The following FMN2 variants were observed in gnomAD, a reference collection of about 807,000 sequenced individuals.
The protein encoded by FMN2 is formin 2, also known as formin-2.
Under a neutral mutation model 142.3 loss-of-function variants are expected in FMN2, and 51 were observed. The ratio of observed to expected loss-of-function variants is 0.36; its 90% confidence interval spans 0.29 to 0.45. The LOEUF (loss-of-function observed/expected upper bound fraction) is 0.45. Ranked by LOEUF, FMN2 falls within the 20% of genes least tolerant of loss-of-function variation. The pLI, the probability that FMN2 is intolerant of heterozygous loss-of-function variation, is 1.00. For synonymous variants in FMN2, 882 were observed against 869.8 expected, an observed-to-expected ratio of 1.01 and a Z score of -0.25; for missense variants, 1,936 against 2,122.8, an observed-to-expected ratio of 0.91 and a Z score of 1.73.
chr1:240,294,678 C>T, intron 7 of FMN2, 144 bp from the exon 8 acceptor site: 1 of 679,124 alleles, frequency 1.5e-6, no homozygotes. Flanking sequence ...CTGGTGCAGG[C>T]TTTGCAGTGG....
At chr1:240,465,703 G>A (rs532305542) in intron 16 of FMN2, among the ~76,000 whole-genome samples, 10 of 152,256 alleles carry the variant, frequency 6.6e-5, no homozygotes, top group South Asian at 4.1e-4. Flanking sequence ...TTTAGACCAA[G>A]CTATTAATGT....
chr1:240,145,270 A>G (rs918604902), intron 2 of FMN2: 2 of 1,438,482 alleles, frequency 1.4e-6, no homozygotes, highest in South Asian at 1.3e-5. Flanking sequence ...TGTCCCCGGC[A>G]TCCCGCCGCT....
intron 16 of FMN2, among the ~76,000 whole-genome samples, chr1:240,454,535 CT>C (rs1338470300): frequency 6.6e-6 from 1 of 152,160 alleles, no homozygotes; most frequent in Non-Finnish European, 1.5e-5. Flanking sequence ...GAGTGAGACT[CT>C]CACTCTAAAG....
chr1:240,207,481 C>T lies in FMN2; in HGVS notation c.2669C>T (p.Thr890Ile), dbSNP rs1457123312. Residue 890 changes from threonine (T) to isoleucine (I), a missense_variant, in exon 5 of 18, where the codon ACT becomes ATT. Physicochemically the swap from Thr to Ile is moderately conservative, Grantham distance 89. This residue lies in a region of FMN2 where 478 missense variants were observed against 462.8 expected (regional missense o/e 1.03). Coordinates refer to ENST00000319653, the MANE Select transcript of FMN2 (RefSeq NM_020066.5). ...PPPLPGMTVPTLPSTAIPQPP... is the reference protein window; with the variant it reads ...PPPLPGMTVPILPSTAIPQPP... The stretch of plus-strand genomic sequence containing the variant: ...CCTCTCCCTGGCATGACAGTGCCTA[C>T]TCTGCCCAGTACAGCCATTCCCCAA... The T allele has an allele frequency of 4.3e-6, 7 of 1,613,382 alleles. No homozygotes were observed. The highest frequency in any genetic ancestry group is 5.1e-6 in the Non-Finnish European group (6 of 1,179,784).
chr1:240,355,536 A>G (rs1672235835), intron 13 of FMN2, among the ~76,000 whole-genome samples: 1 of 152,108 alleles, frequency 6.6e-6, no homozygotes, highest in Admixed American at 6.5e-5. Flanking sequence ...AGATGAAGAG[A>G]CTGAGATTTA....
At chr1:240,455,667 G>C (rs1277763347) in intron 16 of FMN2, among the ~76,000 whole-genome samples, 1 of 152,016 alleles carries the variant, frequency 6.6e-6, no homozygotes, top group Non-Finnish European at 1.5e-5. Context: ...AACAGAGCAA[G>C]ACTCTGTCTC....
chr1:240,375,428 G>T (rs1050639955), intron 14 of FMN2, among the ~76,000 whole-genome samples: 3 of 152,130 alleles, frequency 2.0e-5, no homozygotes, highest in African/African-American at 7.2e-5. Context: ...CACAATAAAA[G>T]CAGGTATACC....
chr1:240,407,344 G>A (rs771490677), intron 15 of FMN2, among the ~76,000 whole-genome samples: 5 of 152,012 alleles, frequency 3.3e-5, no homozygotes, highest in Non-Finnish European at 7.4e-5. Context: ...TCACCATGTT[G>A]GCCAGGCTGT....
intron 15 of FMN2, among the ~76,000 whole-genome samples, chr1:240,434,558 T>TTTTTTTTTG (rs1558104023): frequency 1.3e-5 from 2 of 151,432 alleles, no homozygotes; most frequent in Non-Finnish European, 2.9e-5. Context: ...GTTTTTTGTT[T>TTTTTTTTTG]TTTTTTGTTT....
intron 14 of FMN2, among the ~76,000 whole-genome samples, chr1:240,375,615 C>T (rs528143798): frequency 3.9e-5 from 6 of 152,138 alleles, no homozygotes; most frequent in Non-Finnish European, 7.4e-5. Flanking sequence ...ATCCATTTCC[C>T]GGCATGAAAC....
At chr1:240,110,515 G>T (rs1241924417) in intron 1 of FMN2, among the ~76,000 whole-genome samples, 1 of 152,178 alleles carries the variant, frequency 6.6e-6, no homozygotes, top group South Asian at 2.1e-4. Flanking sequence ...TGCAACATTT[G>T]TTCTGATGGT....
intron 15 of FMN2, among the ~76,000 whole-genome samples, chr1:240,412,958 TA>T (rs1358327479): frequency 1.3e-5 from 2 of 150,468 alleles, no homozygotes; most frequent in Non-Finnish European, 3.0e-5. Flanking sequence ...CCGTCTCTAC[TA>T]AAAAATACAA....
intron 16 of FMN2, among the ~76,000 whole-genome samples, chr1:240,470,660 C>A (rs1373687128): frequency 1.3e-5 from 2 of 152,082 alleles, no homozygotes; most frequent in Non-Finnish European, 1.5e-5. Context: ...TTATAATTCA[C>A]TTCTTTCAGG....
chr1:240,367,326 T>C (rs1341307952), intron 14 of FMN2, among the ~76,000 whole-genome samples: 1 of 152,236 alleles, frequency 6.6e-6, no homozygotes, highest in Non-Finnish European at 1.5e-5. Context: ...CATTAAAATG[T>C]GGTCAGATAA....
At position 240,451,599 on chromosome 1, in the gene FMN2, C is replaced by T. The variant is rs752209137; in HGVS notation, c.5060+13389C>T. Among the ~76,000 whole-genome samples, 8 of 152,010 alleles carry T rather than the reference C, an allele frequency of 5.3e-5. No individual in the cohort carries two copies. In the South Asian group the frequency reaches 1.4e-3, roughly 28 times the overall value. On this transcript the variant is annotated intron_variant, in intron 16 of 17. Transcript: ENST00000319653. ...TTAGAGAGGCCCAACTGCCTGCTCC[C>T]CAACAGGGGCCTCATCCCCTGAGTT...
intron 16 of FMN2, among the ~76,000 whole-genome samples, chr1:240,449,066 T>C (rs12409578): frequency 0.38 from 57,310 of 151,272 alleles, 11,775 homozygotes; most frequent in Admixed American, 0.45. Context: ...CACTTGAGTC[T>C]GGGCTGTTGA....
chr1:240,426,170 C>G (rs574084341), intron 15 of FMN2, among the ~76,000 whole-genome samples: 40 of 152,196 alleles, frequency 2.6e-4, no homozygotes, highest in Non-Finnish European at 5.4e-4. Context: ...ACTAGCACCT[C>G]TTTTGGTTGT....
chr1:240,259,095 G>A (rs1668540844), intron 7 of FMN2, among the ~76,000 whole-genome samples: 1 of 152,180 alleles, frequency 6.6e-6, no homozygotes, highest in Non-Finnish European at 1.5e-5. Flanking sequence ...ATGGGGAGGA[G>A]ACTTCCTCAA....
chr1:240,220,811 C>T (rs145514991), intron 6 of FMN2, among the ~76,000 whole-genome samples: 1,534 of 152,214 alleles, frequency 0.01, 29 homozygotes, highest in African/African-American at 0.035. Context: ...TGGTTTGCTG[C>T]ACCCATCAAC....
Sources: gnomAD v4.1 joint callset for allele counts (sites outside exome capture counted in the v4.1 genomes callset) on GRCh38, gnomAD v4.1.1 for gene constraint, gnomAD v4.1.1 regional missense constraint, MANE v1.5 for transcripts, NCBI Gene and HGNC (gene_info 2026-07-23, HGNC 2026-07-21) for gene names.